IRAK4: variants seen among roughly 807,000 people sequenced by gnomAD.
The protein encoded by IRAK4 is interleukin-1 receptor-associated kinase 4.
Under a neutral mutation model 51.8 loss-of-function variants are expected in IRAK4, and 44 were observed. The ratio of observed to expected loss-of-function variants is 0.85; its 90% CI spans 0.67 to 1.09. IRAK4 has a LOEUF of 1.09. Among genes scored for constraint, IRAK4 ranks in the 50% least tolerant of loss-of-function variants. IRAK4 has a pLI of 0.00. For missense variants in IRAK4, 487 were observed against 538.0 expected (o/e 0.91, Z 0.94); for synonymous variants, 149 against 174.1 (o/e 0.86, Z 1.13).
chr12:43,776,442 T>C (rs4251492), intron 6 of IRAK4, among the ~76,000 whole-genome samples: 1,784 of 152,366 alleles, frequency 0.012, 37 homozygotes, highest in African/African-American at 0.04. Context: ...TTTGCACTTC[T>C]TCAAATATTT....
intron 8 of IRAK4, among the ~76,000 whole-genome samples, chr12:43,779,533 G>T (rs2138019127): frequency 6.6e-6 from 1 of 152,274 alleles, no homozygotes; most frequent in South Asian, 2.1e-4. Flanking sequence ...TATCATAGGT[G>T]GCAGTTCATA....
chr12:43,762,816 A>G (rs1592208072), intron 1 of IRAK4, among the ~76,000 whole-genome samples: 1 of 152,178 alleles, frequency 6.6e-6, no homozygotes, highest in African/African-American at 2.4e-5. Context: ...CTATTCTTTT[A>G]CCTGGCCCTA....
At chr12:43,784,235 C>T (rs1256851917) in intron 10 of IRAK4, among the ~76,000 whole-genome samples, 1 of 152,180 alleles carries the variant, frequency 6.6e-6, no homozygotes. Context: ...CCTTTGCTCT[C>T]ACACCACAAC....
At chr12:43,783,134 G>A (rs1941920568) in intron 9 of IRAK4, among the ~76,000 whole-genome samples, 1 of 152,014 alleles carries the variant, frequency 6.6e-6, no homozygotes, top group Non-Finnish European at 1.5e-5. Context: ...TGGTCATGTT[G>A]GGGTCCAAGA....
At chr12:43,776,055 T>C (rs551172847) in intron 6 of IRAK4, among the ~76,000 whole-genome samples, 1 of 151,902 alleles carries the variant, frequency 6.6e-6, no homozygotes, top group Non-Finnish European at 1.5e-5. Context: ...CTAATTTTGT[T>C]TTTGTATTTT....
intron 2 of IRAK4, among the ~76,000 whole-genome samples, chr12:43,770,730 T>C (rs1469910221): frequency 6.6e-6 from 1 of 152,144 alleles, no homozygotes; most frequent in Admixed American, 6.5e-5. Context: ...AACACCTATT[T>C]TCATATGACC....
intron 8 of IRAK4, among the ~76,000 whole-genome samples, chr12:43,781,262 C>A (rs986510504): frequency 2.6e-5 from 4 of 152,302 alleles, no homozygotes; most frequent in African/African-American, 7.2e-5. Context: ...TTGTTACAAA[C>A]CTTCGTAGTC....
At chr12:43,766,529 C>T (rs1034891165) in intron 1 of IRAK4, among the ~76,000 whole-genome samples, 2 of 152,094 alleles carry the variant, frequency 1.3e-5, no homozygotes, top group Non-Finnish European at 2.9e-5. Flanking sequence ...CTTCTCTGTG[C>T]TCCCACTTGT....
intron 5 of IRAK4, among the ~76,000 whole-genome samples, chr12:43,773,596 A>T (rs1940993895): frequency 6.6e-6 from 1 of 152,156 alleles, no homozygotes; most frequent in Non-Finnish European, 1.5e-5. Flanking sequence ...TATGTGATAA[A>T]GATAGTCACT....
intron 7 of IRAK4, among the ~76,000 whole-genome samples, 160 bp downstream of exon 7, chr12:43,777,904 T>G (rs1941432937): frequency 1.3e-5 from 2 of 152,230 alleles, no homozygotes; most frequent in African/African-American, 4.8e-5. Flanking sequence ...ACAGTTGATA[T>G]GTCAACAACT....
chr12:43,784,929 A>C (rs550480650), intron 10 of IRAK4, among the ~76,000 whole-genome samples: 1 of 152,286 alleles, frequency 6.6e-6, no homozygotes, highest in African/African-American at 2.4e-5. Context: ...TTTACATCCT[A>C]CCTCTCATGA....
intron 2 of IRAK4, among the ~76,000 whole-genome samples, chr12:43,770,171 T>C (rs970176673): frequency 2.0e-5 from 3 of 152,246 alleles, no homozygotes; most frequent in Non-Finnish European, 4.4e-5. Flanking sequence ...TCAAAACTAA[T>C]TTTTGATTTT....
intron 1 of IRAK4, among the ~76,000 whole-genome samples, chr12:43,761,272 T>C (rs1939523384): frequency 6.6e-6 from 1 of 152,186 alleles, no homozygotes; most frequent in Admixed American, 6.5e-5. Flanking sequence ...TATAAATACA[T>C]TAAAATTACC....
In IRAK4 at chr12:43,786,787, C is replaced by G; in HGVS notation, c.*72C>G. Reference sequence around the variant, plus strand: ...ACCATTTTTTTAACTGATTTTTTTCCTAAATATTCTTCTTTACCTTTAACA... The same window carrying G: ...ACCATTTTTTTAACTGATTTTTTTCGTAAATATTCTTCTTTACCTTTAACA... On this transcript the variant is annotated 3_prime_UTR_variant, in exon 12 of 12. Transcript: ENST00000613694. The G allele has an allele frequency of 7.7e-7, 1 of 1,300,802 alleles. No individual in the cohort carries two copies. Among genetic ancestry groups the G allele is most frequent in the Non-Finnish European group, 1.1e-6 (1 of 902,150 alleles). 80.6% of individuals were successfully genotyped at this position (1,300,802 alleles called of 1,614,324 possible).
At chr12:43,762,958 G>T (rs1352365117) in intron 1 of IRAK4, among the ~76,000 whole-genome samples, 3 of 152,160 alleles carry the variant, frequency 2.0e-5, no homozygotes, top group Non-Finnish European at 4.4e-5. Flanking sequence ...ATTCAAGGCT[G>T]ATTTCTTCAC....
intron 8 of IRAK4, among the ~76,000 whole-genome samples, chr12:43,778,593 G>T (rs1297037393): frequency 6.6e-6 from 1 of 151,942 alleles, no homozygotes; most frequent in Non-Finnish European, 1.5e-5. Flanking sequence ...TTAGTTTATG[G>T]ATCACTATTC....
intron 1 of IRAK4, among the ~76,000 whole-genome samples, chr12:43,761,535 A>G (rs903332382): frequency 6.6e-6 from 1 of 151,950 alleles, no homozygotes; most frequent in Admixed American, 6.6e-5. Flanking sequence ...TTTAATTCTT[A>G]CAGCAATTCT....
chr12:43,781,433 A>G (rs1941770705), intron 8 of IRAK4, among the ~76,000 whole-genome samples: 1 of 152,266 alleles, frequency 6.6e-6, no homozygotes, highest in Admixed American at 6.5e-5. Flanking sequence ...TGTTTCTTGG[A>G]CACTCGTTCC....
At chr12:43,776,520 A>G (rs1941286971) in intron 6 of IRAK4, among the ~76,000 whole-genome samples, 1 of 152,254 alleles carries the variant, frequency 6.6e-6, no homozygotes, top group African/African-American at 2.4e-5. Flanking sequence ...AACAAAATGA[A>G]TAAGCACTTA....
Sources: gnomAD v4.1 joint callset for allele counts (sites outside exome capture counted in the v4.1 genomes callset) on GRCh38, gnomAD v4.1.1 for gene constraint, MANE v1.5 for transcripts, NCBI Gene and HGNC (gene_info 2026-07-23, HGNC 2026-07-21) for gene names.